The following ADGRL3 variants were observed in gnomAD, a reference collection of about 807,000 sequenced individuals.
ADGRL3 encodes the protein adhesion G protein-coupled receptor L3.
In ADGRL3, 62 loss-of-function variants were observed where a neutral mutation model predicts 153.5. The observed-to-expected ratio is 0.40, with a 90% confidence interval of 0.33 to 0.50. ADGRL3 has a LOEUF of 0.50. Among genes scored for constraint, ADGRL3 ranks in the 20% least tolerant of loss-of-function variants. The probability of loss-of-function intolerance (pLI) is 0.47; values close to 1 mark genes in which losing one functional copy is unlikely to be tolerated. For synonymous variants in ADGRL3, 710 were observed against 672.5 expected (o/e 1.06, Z -0.86); for missense variants, 1,641 against 1,859.4 (o/e 0.88, Z 2.16).
intron 3 of ADGRL3, among the ~76,000 whole-genome samples, chr4:61,512,519 A>G (rs2098469095): frequency 1.3e-5 from 2 of 152,102 alleles, no homozygotes; most frequent in Admixed American, 1.3e-4. Flanking sequence ...AAAGTAGCAT[A>G]TTGAGATTGA....
chr4:61,679,781 C>T (rs575441930), intron 6 of ADGRL3, among the ~76,000 whole-genome samples: 18 of 152,112 alleles, frequency 1.2e-4, no homozygotes, highest in Middle Eastern at 3.4e-3. Flanking sequence ...GTTTCTAATA[C>T]CTGTTCTTAA....
At chr4:61,667,945 A>G (rs901653322) in intron 5 of ADGRL3, among the ~76,000 whole-genome samples, 1 of 152,132 alleles carries the variant, frequency 6.6e-6, no homozygotes, top group African/African-American at 2.4e-5. Context: ...ACCCCAAGAG[A>G]CACTGTTTTC....
intron 4 of ADGRL3, among the ~76,000 whole-genome samples, chr4:61,519,892 C>A (rs143297552): frequency 0.017 from 2,595 of 152,252 alleles, 46 homozygotes; most frequent in Middle Eastern, 0.071. Flanking sequence ...TTAATGCAAT[C>A]TTTGATTCAA....
At chr4:61,381,134 C>A (rs1434802996) in intron 1 of ADGRL3, among the ~76,000 whole-genome samples, 1 of 151,720 alleles carries the variant, frequency 6.6e-6, no homozygotes, top group Non-Finnish European at 1.5e-5. Flanking sequence ...GTTGAATAGC[C>A]AAAGTGTAAA....
rs186179007 is a variant in ADGRL3 at position 61,394,187 on chromosome 4, G to A, written c.-174+10998G>A. Among the ~76,000 whole-genome samples the A allele has an allele frequency of 3.3e-3, 495 of 152,128 alleles. 6 individuals are homozygous for A. The highest frequency in any genetic ancestry group is 0.011 in the African/African-American group (444 of 41,530). Reference sequence around the variant, plus strand: ...GAGAATATAATTTTCCTGAGTGATAGAGTATTGGATAAAGAAGCAAACAAG... The same window carrying A: ...GAGAATATAATTTTCCTGAGTGATAAAGTATTGGATAAAGAAGCAAACAAG... On this transcript the variant is annotated intron_variant, in intron 2 of 26. Transcript: ENST00000683033.
At chr4:61,350,362 T>TC (rs397786101) in intron 1 of ADGRL3, among the ~76,000 whole-genome samples, 4 of 150,014 alleles carry the variant, frequency 2.7e-5, no homozygotes, top group East Asian at 3.9e-4. Flanking sequence ...TTTTTTTTTT[T>TC]CTATCTGGGG....
intron 6 of ADGRL3, among the ~76,000 whole-genome samples, chr4:61,721,498 C>T (rs2096243332): frequency 6.6e-6 from 1 of 152,170 alleles, no homozygotes. Context: ...TTATTCTAGC[C>T]CCTGCGCTGG....
intron 1 of ADGRL3, among the ~76,000 whole-genome samples, chr4:61,260,905 T>A (rs1191121593): frequency 6.6e-6 from 1 of 152,176 alleles, no homozygotes; most frequent in East Asian, 1.9e-4. Context: ...TTTGTATTTT[T>A]TGTAGAGACA....
intron 17 of ADGRL3, among the ~76,000 whole-genome samples, chr4:61,957,233 C>T (rs183196673): frequency 2.0e-5 from 3 of 152,120 alleles, no homozygotes; most frequent in Non-Finnish European, 2.9e-5. Flanking sequence ...TTGTAGTTCT[C>T]CTTGAAGACA....
intron 6 of ADGRL3, among the ~76,000 whole-genome samples, chr4:61,706,178 T>C (rs900045514): frequency 6.6e-6 from 1 of 151,898 alleles, no homozygotes; most frequent in Admixed American, 6.6e-5. Flanking sequence ...TCCCAACACT[T>C]TGGGAGGTCA....
chr4:61,464,728 C>G (rs961595272), intron 2 of ADGRL3, among the ~76,000 whole-genome samples: 1 of 152,068 alleles, frequency 6.6e-6, no homozygotes, highest in Non-Finnish European at 1.5e-5. Context: ...TCAGTTTTGA[C>G]CATTTGATTT....
intron 25 of ADGRL3, among the ~76,000 whole-genome samples, chr4:62,051,168 GTATATA>G (rs35250485): frequency 1.1e-4 from 16 of 139,136 alleles, no homozygotes; most frequent in South Asian, 2.3e-4. Context: ...GTGTGTGTGT[GTATATA>G]TATATATATA....
At chr4:61,373,669 G>T (rs1300979542) in intron 1 of ADGRL3, among the ~76,000 whole-genome samples, 2 of 151,978 alleles carry the variant, frequency 1.3e-5, no homozygotes, top group Non-Finnish European at 2.9e-5. Context: ...TTTGACTTTT[G>T]TTATTCTGAA....
chr4:61,871,829 C>A (rs975756695), intron 9 of ADGRL3, among the ~76,000 whole-genome samples: 1 of 152,122 alleles, frequency 6.6e-6, no homozygotes, highest in African/African-American at 2.4e-5. Flanking sequence ...GAGGCATATT[C>A]TTTTCTCTTG....
chr4:61,553,618 T>G (rs188276450), intron 4 of ADGRL3, among the ~76,000 whole-genome samples: 1 of 152,196 alleles, frequency 6.6e-6, no homozygotes, highest in South Asian at 2.1e-4. Context: ...ATAAGAGAAA[T>G]AAGTATTATT....
chr4:61,945,825 G>T (rs570473000), intron 15 of ADGRL3, among the ~76,000 whole-genome samples: 1 of 151,846 alleles, frequency 6.6e-6, no homozygotes, highest in Non-Finnish European at 1.5e-5. Flanking sequence ...ACTGGCCTGC[G>T]CCCACTGTCT....
At chr4:61,816,569 T>G (rs1014181412) in intron 9 of ADGRL3, among the ~76,000 whole-genome samples, 3 of 152,166 alleles carry the variant, frequency 2.0e-5, no homozygotes, top group Admixed American at 1.3e-4. Flanking sequence ...TTAGAACAAT[T>G]TATAAACTAC....
At chr4:61,292,533 G>A (rs2094258840) in intron 1 of ADGRL3, among the ~76,000 whole-genome samples, 1 of 152,130 alleles carries the variant, frequency 6.6e-6, no homozygotes, top group South Asian at 2.1e-4. Context: ...ATGTGTAACT[G>A]TGTATTCATA....
intron 9 of ADGRL3, among the ~76,000 whole-genome samples, chr4:61,874,123 TTC>T (rs1184165464): frequency 6.6e-6 from 1 of 152,194 alleles, no homozygotes; most frequent in Non-Finnish European, 1.5e-5. Context: ...ATTTCAGAGA[TTC>T]TCTGTCAGGA....
Sources: allele counts gnomAD v4.1 joint callset (sites outside exome capture counted in the v4.1 genomes callset), GRCh38; gene constraint gnomAD v4.1.1; transcripts MANE v1.5; gene names NCBI Gene and HGNC (gene_info 2026-07-23, HGNC 2026-07-21).